Variants in NET1 observed in about 807,000 individuals in gnomAD.
NET1 encodes the protein neuroepithelial cell-transforming gene 1 protein.
Under a neutral mutation model 61.1 loss-of-function variants are expected in NET1, and 42 were observed. The observed-to-expected ratio is 0.69, with a 90% confidence interval of 0.54 to 0.89. The LOEUF (loss-of-function observed/expected upper bound fraction) is 0.89, where lower values mean the gene tolerates loss of function less well. Ranked by LOEUF, NET1 falls within the 40% of genes least tolerant of loss-of-function variation. The pLI, the probability that NET1 is intolerant of heterozygous loss-of-function variation, is 0.00. For synonymous variants in NET1, 254 were observed against 281.8 expected (o/e 0.90, Z 0.99); for missense variants, 654 against 747.3 (o/e 0.88, Z 1.46).
rs901245128 is a variant in NET1 at position 5,415,330 on chromosome 10, C to T, written c.128+2510C>T. On this transcript the variant is annotated intron_variant, in intron 1 of 11. Coordinates refer to ENST00000355029, the MANE Select transcript of NET1 (RefSeq NM_001047160.3). The surrounding 1 kb of genome is among the most constrained non-coding windows in gnomAD (Gnocchi z 4.7). ...AGCTATTGTTCCTCTCCTACCCCTTCTGCCCTAAAACCTAATCTGTCGGTC... is the reference window on the plus strand; with the variant it reads ...AGCTATTGTTCCTCTCCTACCCCTTTTGCCCTAAAACCTAATCTGTCGGTC... Among the ~76,000 whole-genome samples, 2 of 152,188 alleles carry T rather than the reference C, an allele frequency of 1.3e-5. No individual in the cohort carries two copies. Among genetic ancestry groups the T allele is most frequent in the South Asian group, 4.1e-4 (2 of 4,834 alleles).
At chr10:5,436,540 G>A (rs1343546047) in intron 3 of NET1, among the ~76,000 whole-genome samples, 1 of 150,846 alleles carries the variant, frequency 6.6e-6, no homozygotes, top group Admixed American at 6.6e-5. Context: ...CCAGCCTGGG[G>A]GTTATATTTT....
At position 5,456,566 on chromosome 10, in the gene NET1, T is replaced by C. The variant is rs117558134; in HGVS notation, c.1385-22T>C. On this transcript the variant is annotated intron_variant, in intron 11 of 11. Transcript: ENST00000355029. The surrounding 1 kb of genome is among the most constrained non-coding windows in gnomAD (Gnocchi z 7.0). The stretch of plus-strand genomic sequence containing the variant: ...CCTTTTTTTAGCCTGATTTCTTTTT[T>C]TTTTCCAATTTTTTTTTTCAGCTAA... 464 of 1,516,492 alleles carry C rather than the reference T, an allele frequency of 3.1e-4. 4 individuals carry two copies. The East Asian group carries it at 0.01, about 34-fold the overall frequency. The allele number at this position is 1,516,492 out of a possible 1,614,324, so 93.9% of individuals were successfully genotyped here.
rs1832232376 is a variant in NET1 at position 5,424,737 on chromosome 10, G to A, written c.129-1918G>A. 6.6e-6 allele frequency among the ~76,000 whole-genome samples: 1 copy of A among 152,050 alleles called. No homozygotes were observed. Among genetic ancestry groups the A allele is most frequent in the South Asian group, 2.1e-4 (1 of 4,820 alleles). On this transcript the variant is annotated intron_variant, in intron 1 of 11. Coordinates refer to ENST00000355029, the MANE Select transcript of NET1 (RefSeq NM_001047160.3). The surrounding 1 kb of genome is among the most constrained non-coding windows in gnomAD (Gnocchi z 6.1). ...TCTTTGCATCTAATTTCTGTTAGTG[G>A]CATCATATTTTCCCCAGGTCAAGAA...
At chr10:5,432,363 G>A (rs1294334702) in intron 3 of NET1, among the ~76,000 whole-genome samples, 1 of 152,118 alleles carries the variant, frequency 6.6e-6, no homozygotes, top group Non-Finnish European at 1.5e-5. Flanking sequence ...ATTTAATTAT[G>A]CATTTGATTT....
chr10:5,413,850 T>A (rs1337086348), intron 1 of NET1, among the ~76,000 whole-genome samples: 4 of 152,210 alleles, frequency 2.6e-5, no homozygotes. Context: ...AAAATACTCT[T>A]GTTACTATTT....
chr10:5,428,038 C>CCTTTTTTTTTTTTTTTTT lies in NET1; in HGVS notation c.196-1132_196-1131insCTTTTTTTTTTTTTTTTT, dbSNP rs767299959. 8.8e-5 allele frequency among the ~76,000 whole-genome samples: 10 copies of CCTTTTTTTTTTTTTTTTT among 113,904 alleles called. 4 individuals carry two copies. The highest frequency in any genetic ancestry group is 1.8e-4 in the Admixed American group (2 of 10,864). The allele number at this position is 113,904 out of a possible 152,430, so 74.7% of individuals were successfully genotyped here. ...CACTTCTATCTGGACTTTGCCGTTCCTTTTTTTTTTTTTTTTTTTTTTTTT... is the reference window on the plus strand; with the variant it reads ...CACTTCTATCTGGACTTTGCCGTTCCCTTTTTTTTTTTTTTTTTTTTTTTTTTTTTTTTTTTTTTTTTT... On this transcript the variant is annotated intron_variant, in intron 2 of 11. Transcript: ENST00000355029.
rs113779613 is a variant in NET1 at position 5,416,704 on chromosome 10, C to CG, written c.128+3884_128+3885insG. Among the ~76,000 whole-genome samples the CG allele has an allele frequency of 6.6e-6, 1 of 152,200 alleles. No homozygotes were observed. Among genetic ancestry groups the CG allele is most frequent in the South Asian group, 2.1e-4 (1 of 4,816 alleles). The stretch of plus-strand genomic sequence containing the variant: ...AAATGGGAAAAGTTCCCTTTTCCCC[C>CG]TCGCAGGGCGTGCACTGGAGGTGTG... On this transcript the variant is annotated intron_variant, in intron 1 of 11. Coordinates refer to ENST00000355029, the MANE Select transcript of NET1 (RefSeq NM_001047160.3). The surrounding 1 kb of genome is among the most constrained non-coding windows in gnomAD (Gnocchi z 6.1).
chr10:5,422,252 G>T lies in NET1; in HGVS notation c.129-4403G>T, dbSNP rs1386970557. Among the ~76,000 whole-genome samples the T allele has an allele frequency of 6.6e-6, 1 of 151,878 alleles. No homozygotes were observed. ...CTCGGGAGATTGAGGCAGGAGAATC[G>T]CTTGAACCCTGGAGGCGGAGGTTGT... On this transcript the variant is annotated intron_variant, in intron 1 of 11. Transcript: ENST00000355029. The surrounding 1 kb of genome is among the most constrained non-coding windows in gnomAD (Gnocchi z 4.1).
chr10:5,421,772 A>G lies in NET1; in HGVS notation c.129-4883A>G, dbSNP rs1348792545. 6.6e-6 allele frequency among the ~76,000 whole-genome samples: 1 copy of G among 152,154 alleles called. No homozygotes were observed. The highest frequency in any genetic ancestry group is 1.5e-5 in the Non-Finnish European group (1 of 68,024). On this transcript the variant is annotated intron_variant, in intron 1 of 11. Coordinates refer to ENST00000355029, the MANE Select transcript of NET1 (RefSeq NM_001047160.3). The surrounding 1 kb of genome is among the most constrained non-coding windows in gnomAD (Gnocchi z 4.2). ...ATTGTTAGAACATTTCATCACCCCA[A>G]ATATCCCTGCTCCCACCCCAGCCCT...
At position 5,420,241 on chromosome 10, in the gene NET1, G is replaced by A. The variant is rs943014873; in HGVS notation, c.129-6414G>A. On this transcript the variant is annotated intron_variant, in intron 1 of 11. Coordinates refer to ENST00000355029, the MANE Select transcript of NET1 (RefSeq NM_001047160.3). The surrounding 1 kb of genome is among the most constrained non-coding windows in gnomAD (Gnocchi z 5.3). ...CCACAGAAATTTATCTTAAAGTAATGGGCAAGTATACATGGATGTATGTAC... is the reference window on the plus strand; with the variant it reads ...CCACAGAAATTTATCTTAAAGTAATAGGCAAGTATACATGGATGTATGTAC... 6.6e-6 allele frequency among the ~76,000 whole-genome samples: 1 copy of A among 152,164 alleles called. No individual in the cohort carries two copies. The highest frequency in any genetic ancestry group is 1.5e-5 in the Non-Finnish European group (1 of 68,038).
At position 5,431,466 on chromosome 10, in the gene NET1, A is replaced by G. The variant is rs1832347661; in HGVS notation, c.255+2237A>G. ...TGTGATGCTCTCAAAATGGATGCTC[A>G]TTGCCTACATGCATTTTTTTCTTGG... On this transcript the variant is annotated intron_variant, in intron 3 of 11. Transcript: ENST00000355029. This position sits in a 1 kb window ranked among gnomAD's most constrained non-coding sequence, Gnocchi z 4.9. Among the ~76,000 whole-genome samples the G allele has an allele frequency of 1.3e-5, 2 of 151,708 alleles. No individual in the cohort carries two copies. Among genetic ancestry groups the G allele is most frequent in the South Asian group, 2.1e-4 (1 of 4,774 alleles).
At chr10:5,419,733 G>GTTGTTA in intron 1 of NET1, among the ~76,000 whole-genome samples, 1 of 151,712 alleles carries the variant, frequency 6.6e-6, no homozygotes, top group Non-Finnish European at 1.5e-5. Context: ...TGTTGTTGTT[G>GTTGTTA]TTTTTATGGG....
At chr10:5,430,894 CAG>C (rs1264654973) in intron 3 of NET1, among the ~76,000 whole-genome samples, 1 of 132,568 alleles carries the variant, frequency 7.5e-6, no homozygotes, top group Non-Finnish European at 1.6e-5. Context: ...TTTTTTGAGA[CAG>C]AGTCTCGCTC....
Position 5,458,363 on chromosome 10 carries a change from A to C in NET1, c.*1369A>C, listed in dbSNP as rs1395951004. 1 of 152,504 alleles carries C rather than the reference A, an allele frequency of 6.6e-6. No homozygotes were observed. Among genetic ancestry groups the C allele is most frequent in the Non-Finnish European group, 1.5e-5 (1 of 68,014 alleles). 9.4% of individuals were successfully genotyped at this position (152,504 alleles called of 1,614,324 possible). A position where few individuals can be genotyped will look rare whatever the true frequency, so the allele number is the denominator to read the frequency against. ...ACTATTCTGTGAAATATATTTGGCC[A>C]GTGGAAATGATAATCAGAAAAGACT... On this transcript the variant is annotated 3_prime_UTR_variant, in exon 12 of 12. Transcript: ENST00000355029. This position sits in a 1 kb window ranked among gnomAD's most constrained non-coding sequence, Gnocchi z 4.5.
rs909326647 is a variant in NET1, at chr10:5,457,653, G to A, written c.*659G>A. 5.9e-5 allele frequency: 9 copies of A among 152,004 alleles called. No individual in the cohort carries two copies. Among genetic ancestry groups the A allele is most frequent in the African/African-American group, 1.9e-4 (8 of 41,240 alleles). The allele number at this position is 152,004 out of a possible 1,614,324, so 9.4% of individuals were successfully genotyped here. On this transcript the variant is annotated 3_prime_UTR_variant, in exon 12 of 12. Transcript: ENST00000355029. The surrounding 1 kb of genome is among the most constrained non-coding windows in gnomAD (Gnocchi z 5.4). ...TTTGCTTTTATTTTTTTACTTTGATGCCTTTTCAAATTGGCATGTCTTTAA... is the reference window on the plus strand; with the variant it reads ...TTTGCTTTTATTTTTTTACTTTGATACCTTTTCAAATTGGCATGTCTTTAA...
In NET1 at chr10:5,452,434, C is replaced by G. The variant is rs776932264; in HGVS notation, c.440C>G (p.Pro147Arg). Residue 147 changes from proline to arginine, a missense_variant, in exon 5 of 12, where the codon CCC becomes CGC. Pro to Arg is a moderately radical substitution (Grantham distance 103, BLOSUM62 -2). Transcript: ENST00000355029. The surrounding 1 kb of genome is among the most constrained non-coding windows in gnomAD (Gnocchi z 4.0). ...KFSSRSTVPTPAKRRSSALWS... is the reference protein window; with the variant it reads ...KFSSRSTVPTRAKRRSSALWS... Reference sequence around the variant, plus strand: ...TCTAGCAGGTCAACAGTCCCAACACCCGCCAAGAGAAGGAGCAGTGCACTG... The same window carrying G: ...TCTAGCAGGTCAACAGTCCCAACACGCGCCAAGAGAAGGAGCAGTGCACTG... 6.2e-7 allele frequency: 1 copy of G among 1,614,126 alleles called. No individual in the cohort carries two copies. The highest frequency in any genetic ancestry group is 1.1e-5 in the South Asian group (1 of 91,080).
At chr10:5,448,654 A>G (rs1588437689) in intron 3 of NET1, among the ~76,000 whole-genome samples, 1 of 136,368 alleles carries the variant, frequency 7.3e-6, no homozygotes, top group Admixed American at 7.5e-5. Flanking sequence ...TTTTTTGTTT[A>G]TTCCCATGGA....
Position 5,426,594 on chromosome 10 carries a change from T to C in NET1, c.129-61T>C. ...ATGAAAAGTATAGCTTTTTATCTGT[T>C]TGATGCTCTATTATGCTAAAGTCAA... On this transcript the variant is annotated intron_variant, in intron 1 of 11. Transcript: ENST00000355029. This position sits in a 1 kb window ranked among gnomAD's most constrained non-coding sequence, Gnocchi z 4.6. 2 of 1,311,894 alleles carry C rather than the reference T, an allele frequency of 1.5e-6. No homozygotes were observed. Among genetic ancestry groups the C allele is most frequent in the Non-Finnish European group, 2.2e-6 (2 of 922,670 alleles). 81.3% of individuals were successfully genotyped at this position (1,311,894 alleles called of 1,614,324 possible).
intron 2 of NET1, among the ~76,000 whole-genome samples, chr10:5,428,877 C>T (rs1832302587): frequency 7.0e-6 from 1 of 142,402 alleles, no homozygotes; most frequent in Admixed American, 7.4e-5. Flanking sequence ...TGTGTGTCAC[C>T]ACGCGCAGCT....
Sources: allele counts gnomAD v4.1 joint callset (sites outside exome capture counted in the v4.1 genomes callset), GRCh38; gene constraint gnomAD v4.1.1; non-coding constraint Gnocchi (gnomAD v3.1); transcripts MANE v1.5; gene names NCBI Gene and HGNC (gene_info 2026-07-23, HGNC 2026-07-21).